The following KLHDC4 variants were observed in gnomAD, a reference collection of about 807,000 sequenced individuals.
KLHDC4 encodes the protein kelch domain-containing protein 4.
KLHDC4 carries 90 observed loss-of-function variants against 62.4 expected under a neutral mutation model. The ratio of observed to expected loss-of-function variants is 1.44; its 90% CI spans 1.22 to 1.72. KLHDC4 has a LOEUF of 1.72. Ranked by LOEUF, KLHDC4 falls within the 40% of genes most tolerant of loss-of-function variation. The pLI is 0.00. For synonymous variants in KLHDC4, 386 were observed against 284.4 expected (o/e 1.36, Z -3.59); for missense variants, 1,025 against 699.7 (o/e 1.47, Z -5.25).
At chr16:87,701,890 G>C (rs1378013480) in exon 1 of KLHDC4, 1 of 456,362 alleles carries the variant, frequency 2.2e-6, no homozygotes, top group African/African-American at 2.0e-5. Context: ...AGGGAGTGGA[G>C]GATGGGGCTC....
At chr16:87,701,325 G>A (rs949877938) in exon 1 of KLHDC4, 9 of 250,148 alleles carry the variant, frequency 3.6e-5, no homozygotes, top group African/African-American at 1.5e-4. Flanking sequence ...GTAGCAGGGC[G>A]CTCAGGAACA....
downstream of KLHDC4, among the ~76,000 whole-genome samples, chr16:87,703,723 C>A (rs1366670037): frequency 6.6e-6 from 1 of 152,204 alleles, no homozygotes; most frequent in Non-Finnish European, 1.5e-5. Context: ...GTGAGCTGGA[C>A]TCAGGGAAGC....
chr16:87,735,271 G>A (rs1415709347), intron 5 of KLHDC4, among the ~76,000 whole-genome samples: 5 of 148,236 alleles, frequency 3.4e-5, no homozygotes, highest in African/African-American at 1.3e-4. Context: ...CTGCACTCCA[G>A]CCTGGGCAAC....
At chr16:87,744,926 T>C (rs146764807) in intron 5 of KLHDC4, among the ~76,000 whole-genome samples, 27 of 152,244 alleles carry the variant, frequency 1.8e-4, no homozygotes, top group African/African-American at 6.3e-4. Flanking sequence ...TACACAGGCA[T>C]AGACAGGCAC....
intron 4 of KLHDC4, among the ~76,000 whole-genome samples, chr16:87,750,024 AC>A (rs1489751909): frequency 6.6e-6 from 1 of 152,174 alleles, no homozygotes; most frequent in Non-Finnish European, 1.5e-5. Context: ...CCAATCAAAA[AC>A]AACGGCATCC....
intron 5 of KLHDC4, among the ~76,000 whole-genome samples, chr16:87,733,239 A>C (rs1037148382): frequency 6.6e-6 from 1 of 152,260 alleles, no homozygotes; most frequent in African/African-American, 2.4e-5. Flanking sequence ...TTCTTGTCTT[A>C]ATCGTTTCCT....
chr16:87,737,169 A>T (rs1389914726), intron 5 of KLHDC4, among the ~76,000 whole-genome samples: 1 of 151,560 alleles, frequency 6.6e-6, no homozygotes. Flanking sequence ...ATACCCAGGA[A>T]AGCAGTCAGT....
At chr16:87,752,318 G>A (rs1411847373) in intron 4 of KLHDC4, among the ~76,000 whole-genome samples, 4 of 146,556 alleles carry the variant, frequency 2.7e-5, no homozygotes, top group Admixed American at 6.9e-5. Context: ...TCCACAATCC[G>A]ATCCACAGCA....
intron 5 of KLHDC4, among the ~76,000 whole-genome samples, chr16:87,741,359 A>AG (rs2042215851): frequency 6.6e-6 from 1 of 152,206 alleles, no homozygotes; most frequent in Non-Finnish European, 1.5e-5. Flanking sequence ...GCAGGAGGTG[A>AG]GGGGGCCAGC....
In KLHDC4 at chr16:87,759,495, C is replaced by A. The variant is rs1029598906; in HGVS notation, c.191+2454G>T. ...GGTACAGTGGCTCACGCCTGTAATC[C>A]CAGCACTTTGGGAGGCCGAGGTGGG... On this transcript the variant is annotated intron_variant, in intron 2 of 11. Coordinates refer to ENST00000270583, the MANE Select transcript of KLHDC4 (RefSeq NM_017566.4). Among the ~76,000 whole-genome samples the A allele has an allele frequency of 2.6e-5, 4 of 151,772 alleles. No homozygotes were observed. The South Asian group carries it at 8.4e-4, about 32-fold the overall frequency.
Position 87,762,042 on chromosome 16 carries a change from T to C in KLHDC4, c.100-2A>G, listed in dbSNP as rs1712748486. The C allele has an allele frequency of 1.9e-6, 3 of 1,613,264 alleles. No homozygotes were observed. Among genetic ancestry groups the C allele is most frequent in the Non-Finnish European group, 2.5e-6 (3 of 1,179,624 alleles). ...GGCTATGAGCGCTTCCAGGTCTTCCTAGGGCAAGCAAGCAGGCACACGTGA... is the reference window on the plus strand; with the variant it reads ...GGCTATGAGCGCTTCCAGGTCTTCCCAGGGCAAGCAAGCAGGCACACGTGA... On this transcript the variant is annotated splice_acceptor_variant, in intron 1 of 11. Coordinates refer to ENST00000270583, the MANE Select transcript of KLHDC4 (RefSeq NM_017566.4). LOFTEE classifies it high-confidence loss of function.
At chr16:87,744,576 G>C (rs1258657010) in intron 5 of KLHDC4, among the ~76,000 whole-genome samples, 1 of 140,004 alleles carries the variant, frequency 7.1e-6, no homozygotes, top group Non-Finnish European at 1.5e-5. Flanking sequence ...GAGCTAGACT[G>C]TCTCAGAAAA....
chr16:87,736,958 C>T (rs2041421195), intron 5 of KLHDC4, among the ~76,000 whole-genome samples: 1 of 151,632 alleles, frequency 6.6e-6, no homozygotes, highest in Non-Finnish European at 1.5e-5. Context: ...AACCCTGCCT[C>T]TTATTAAAAA....
intron 2 of KLHDC4, among the ~76,000 whole-genome samples, chr16:87,757,817 G>T (rs553556128): frequency 1.3e-5 from 2 of 152,096 alleles, no homozygotes; most frequent in African/African-American, 4.8e-5. Context: ...ACTTGAACCC[G>T]GGAGGCAGAG....
chr16:87,711,286 A>T lies in KLHDC4; in HGVS notation c.993T>A (p.Asp331Glu). Residue 331 changes from aspartate to glutamate, a missense_variant, in exon 9 of 12, where the codon GAT becomes GAA. Physicochemically the swap from Asp to Glu is conservative, Grantham distance 45. Transcript: ENST00000270583. ...TCCTGGTGGCGTCGTAGAAGTACAG[A>T]TCGTTGAAGAACTCGCCCGACAGGC... ...EESLSGEFFN[D>E]LYFYDATRNR... 6.2e-7 allele frequency: 1 copy of T among 1,614,116 alleles called. No individual in the cohort carries two copies. Among genetic ancestry groups the T allele is most frequent in the Non-Finnish European group, 8.5e-7 (1 of 1,180,020 alleles).
chr16:87,714,650 C>T, intron 7 of KLHDC4, 77 bp from the exon 8 acceptor site: 2 of 1,496,714 alleles, frequency 1.3e-6, no homozygotes, highest in Admixed American at 1.7e-5. Context: ...CCTGTGGGCG[C>T]ATTTTGGATG....
chr16:87,723,576 C>G (rs2038828540), intron 7 of KLHDC4, among the ~76,000 whole-genome samples: 1 of 152,262 alleles, frequency 6.6e-6, no homozygotes, highest in South Asian at 2.1e-4. Flanking sequence ...AATATCTAGA[C>G]AAGCCTGACC....
intron 7 of KLHDC4, among the ~76,000 whole-genome samples, chr16:87,724,280 G>C (rs562088054): frequency 1.2e-4 from 19 of 152,254 alleles, no homozygotes; most frequent in African/African-American, 4.1e-4. Context: ...CATTTTTAGA[G>C]AAAAATAAAA....
intron 5 of KLHDC4, among the ~76,000 whole-genome samples, chr16:87,736,811 A>G (rs2041390030): frequency 6.6e-6 from 1 of 152,116 alleles, no homozygotes; most frequent in East Asian, 1.9e-4. Flanking sequence ...TGCAGATATT[A>G]CCTTTATTCT....
Sources: gnomAD v4.1 joint callset for allele counts (sites outside exome capture counted in the v4.1 genomes callset) on GRCh38, gnomAD v4.1.1 for gene constraint, MANE v1.5 for transcripts, NCBI Gene and HGNC (gene_info 2026-07-23, HGNC 2026-07-21) for gene names.